Variants in COP1 observed in about 807,000 individuals in gnomAD.
COP1 encodes COP1 E3 ubiquitin ligase.
In COP1, 24 loss-of-function variants were observed where a neutral mutation model predicts 101.3. The ratio of observed to expected loss-of-function variants is 0.24; its 90% CI spans 0.17 to 0.33. The LOEUF is 0.33. COP1 is among the 10% of genes least tolerant of loss of function. COP1 has a pLI of 1.00. For synonymous variants in COP1, 347 were observed against 341.9 expected, an observed-to-expected ratio of 1.01 and a Z score of -0.17; for missense variants, 663 against 906.2, an observed-to-expected ratio of 0.73 and a Z score of 3.45.
At chr1:175,956,894 T>A (rs1167693267) in intron 18 of COP1, among the ~76,000 whole-genome samples, 1 of 152,174 alleles carries the variant, frequency 6.6e-6, no homozygotes, top group African/African-American at 2.4e-5. Flanking sequence ...CCTGAAGACA[T>A]TCCGATGGGA....
chr1:176,178,296 T>G lies in COP1; in HGVS notation c.468-2289A>C, dbSNP rs551376835. ...ATACATACAAAATTTAACTCTTTTT[T>G]TAAATCAGCAGCCTGGGCAACATGG... On this transcript the variant is annotated intron_variant, in intron 2 of 19. Coordinates refer to ENST00000367669, the MANE Select transcript of COP1 (RefSeq NM_022457.7). Among the ~76,000 whole-genome samples, 11 of 151,964 alleles carry G rather than the reference T, an allele frequency of 7.2e-5. No individual in the cohort carries two copies. In the South Asian group the frequency reaches 2.3e-3, roughly 32 times the overall value.
rs1410755199 is a variant in COP1 at position 176,200,145 on chromosome 1, A to G, written c.407+6427T>C. Among the ~76,000 whole-genome samples, 6 of 152,206 alleles carry G rather than the reference A, an allele frequency of 3.9e-5. No homozygotes were observed. In the East Asian group the frequency reaches 1.2e-3, roughly 29 times the overall value. On this transcript the variant is annotated intron_variant, in intron 1 of 19. Transcript: ENST00000367669. ...TCATCTACAAAATGGGAACTATAAG[A>G]GTATCTACAGCAAACAGTTGTTGTG...
Position 175,988,288 on chromosome 1 carries a change from C to A in COP1, c.1972G>T (p.Gly658Ter). 6.2e-7 allele frequency: 1 copy of A among 1,601,682 alleles called. No individual in the cohort carries two copies. Among genetic ancestry groups the A allele is most frequent in the Non-Finnish European group, 8.5e-7 (1 of 1,173,684 alleles). The change falls in exon 17 of 20, where the codon GGA becomes TGA. Residue 658 changes from glycine (G) to a stop codon, truncating the protein, a stop_gained and splice_region_variant. Coordinates refer to ENST00000367669, the MANE Select transcript of COP1 (RefSeq NM_022457.7). LOFTEE classifies it high-confidence loss of function. ...LASNGDYIAC[G>*]SENNSLYLYY... ...TCCTGGAAACGATGGTTTCACTTAC[C>A]ACAAGCTATATAATCTCCATTGGAA...
intron 5 of COP1, among the ~76,000 whole-genome samples, chr1:176,158,013 G>A (rs1476904898): frequency 6.6e-6 from 1 of 151,656 alleles, no homozygotes; most frequent in East Asian, 1.9e-4. Flanking sequence ...AATAATGGCT[G>A]AAAATTTTCT....
chr1:175,948,862 TCTTAAAAATAGTAACATGGG>T (rs1422034021), intron 18 of COP1, among the ~76,000 whole-genome samples: 1 of 151,992 alleles, frequency 6.6e-6, no homozygotes, highest in African/African-American at 2.4e-5. Flanking sequence ...TAGCAAATGT[TCTTAAAAATAGTAACATGGG>T]GGCTGGGCGC....
chr1:176,032,406 G>T (rs1280312275), intron 14 of COP1, among the ~76,000 whole-genome samples: 2 of 152,176 alleles, frequency 1.3e-5, no homozygotes, highest in African/African-American at 2.4e-5. Context: ...CCATGTATTA[G>T]TAGCTAGACG....
At chr1:176,128,386 G>T (rs891234203) in intron 8 of COP1, among the ~76,000 whole-genome samples, 1 of 151,870 alleles carries the variant, frequency 6.6e-6, no homozygotes, top group South Asian at 2.1e-4. Context: ...CCTGTGTTTT[G>T]TGTTTGTTTT....
At chr1:176,089,960 C>A (rs1360195148) in intron 9 of COP1, among the ~76,000 whole-genome samples, 2 of 152,178 alleles carry the variant, frequency 1.3e-5, no homozygotes, top group Non-Finnish European at 2.9e-5. Context: ...CCAGGCCCTC[C>A]CAATCCTGAA....
intron 15 of COP1, among the ~76,000 whole-genome samples, chr1:175,990,264 CTA>C (rs1203959230): frequency 6.6e-6 from 1 of 151,962 alleles, no homozygotes; most frequent in Non-Finnish European, 1.5e-5. Context: ...CTCAAAGTAA[CTA>C]TTGTTGATTT....
intron 8 of COP1, among the ~76,000 whole-genome samples, chr1:176,133,115 A>G (rs138393250): frequency 3.4e-4 from 51 of 148,730 alleles, no homozygotes; most frequent in African/African-American, 1.3e-3. Context: ...ATGTACGTAT[A>G]TATACTATAT....
chr1:176,055,396 C>T (rs1673285629), intron 11 of COP1, among the ~76,000 whole-genome samples: 1 of 152,206 alleles, frequency 6.6e-6, no homozygotes, highest in Admixed American at 6.5e-5. Context: ...GATCGCACCA[C>T]TGAACTCCAG....
intron 9 of COP1, among the ~76,000 whole-genome samples, chr1:176,098,156 C>G (rs975856093): frequency 1.3e-5 from 2 of 152,132 alleles, no homozygotes; most frequent in Non-Finnish European, 2.9e-5. Context: ...GATGGCTCCA[C>G]ATTTGGTAAA....
chr1:175,987,137 T>G, intron 17 of COP1, 34 bp from the exon 18 acceptor site: 1 of 1,189,566 alleles, frequency 8.4e-7, no homozygotes, highest in Non-Finnish European at 1.2e-6. Flanking sequence ...TATTTTAGAA[T>G]AGAAAAACTC....
chr1:175,993,881 G>T (rs1027228843), intron 15 of COP1, among the ~76,000 whole-genome samples: 9 of 152,148 alleles, frequency 5.9e-5, no homozygotes, highest in Non-Finnish European at 8.8e-5. Context: ...TCAGATTCAG[G>T]AAATATAGAG....
chr1:175,982,398 C>A lies in COP1; in HGVS notation c.2133+4545G>T, dbSNP rs527843794. 408 of 456,614 alleles carry A rather than the reference C, an allele frequency of 8.9e-4. 3 individuals carry two copies. The highest frequency in any genetic ancestry group is 7.3e-3 in the African/African-American group (369 of 50,206). The allele number at this position is 456,614 out of a possible 1,614,324, so 28.3% of individuals were successfully genotyped here. ...TGCAAATTTTCTTCCTCTTCTACCA[C>A]TCCAGAGAAAGACCAACCCCACTTC... is the stretch of plus-strand genomic sequence containing the variant. On this transcript the variant is annotated intron_variant, in intron 18 of 19. Coordinates refer to ENST00000367669, the MANE Select transcript of COP1 (RefSeq NM_022457.7).
intron 10 of COP1, among the ~76,000 whole-genome samples, chr1:176,081,709 C>T (rs1020968321): frequency 6.6e-6 from 1 of 151,932 alleles, no homozygotes; most frequent in African/African-American, 2.4e-5. Flanking sequence ...TGTTTAAAAT[C>T]CCGTTTATAA....
At chr1:176,107,116 G>C (rs966105458) in intron 9 of COP1, among the ~76,000 whole-genome samples, 1 of 151,882 alleles carries the variant, frequency 6.6e-6, no homozygotes, top group Non-Finnish European at 1.5e-5. Flanking sequence ...AATATAAATG[G>C]TTTGATTCCT....
At chr1:176,011,548 T>G (rs1664676468) in intron 15 of COP1, among the ~76,000 whole-genome samples, 1 of 152,226 alleles carries the variant, frequency 6.6e-6, no homozygotes, top group Admixed American at 6.5e-5. Flanking sequence ...GAGAGTATGC[T>G]TATCATACCA....
rs899351598 is a variant in COP1 at position 175,994,889 on chromosome 1, G to T, written c.1730-5410C>A. Among the ~76,000 whole-genome samples, 4 of 152,144 alleles carry T rather than the reference G, an allele frequency of 2.6e-5. No homozygotes were observed. The East Asian group carries it at 7.7e-4, about 29-fold the overall frequency. On this transcript the variant is annotated intron_variant, in intron 15 of 19. Transcript: ENST00000367669. ...GGAATTGAACTCAGCTCTGCACCAA[G>T]CAGACTTAATGGACATCTACAGAAC... is the stretch of plus-strand genomic sequence containing the variant.
Sources: gnomAD v4.1 joint callset for allele counts (sites outside exome capture counted in the v4.1 genomes callset) on GRCh38, gnomAD v4.1.1 for gene constraint, MANE v1.5 for transcripts, NCBI Gene and HGNC (gene_info 2026-07-23, HGNC 2026-07-21) for gene names.